The following CTNNA3 variants were observed in gnomAD, a reference collection of about 807,000 sequenced individuals.
CTNNA3 encodes the protein catenin alpha 3, also known as catenin alpha-3.
Under a neutral mutation model 95.7 loss-of-function variants are expected in CTNNA3, and 76 were observed. That is an observed-to-expected ratio of 0.79 (90% CI 0.66 to 0.96). CTNNA3 has a LOEUF of 0.96. Among genes scored for constraint, CTNNA3 ranks in the 40% least tolerant of loss-of-function variants. The probability of loss-of-function intolerance (pLI) is 0.00; values close to 1 mark genes in which losing one functional copy is unlikely to be tolerated. For synonymous variants in CTNNA3, 431 were observed against 374.4 expected, an observed-to-expected ratio of 1.15 and a Z score of -1.74; for missense variants, 1,191 against 1,089.8, an observed-to-expected ratio of 1.09 and a Z score of -1.31.
intron 9 of CTNNA3, among the ~76,000 whole-genome samples, chr10:66,737,618 T>A (rs1849186865): frequency 6.6e-6 from 1 of 152,140 alleles, no homozygotes; most frequent in Non-Finnish European, 1.5e-5. Flanking sequence ...TGACTTCTTC[T>A]AGCATTTATT....
intron 5 of CTNNA3, among the ~76,000 whole-genome samples, chr10:67,443,710 G>A (rs945338747): frequency 6.6e-6 from 1 of 151,870 alleles, no homozygotes; most frequent in Admixed American, 6.6e-5. Context: ...TTTGTCAGAT[G>A]AGTAGGTTGT....
chr10:66,821,058 T>A (rs1000112397), intron 7 of CTNNA3, among the ~76,000 whole-genome samples: 1 of 152,080 alleles, frequency 6.6e-6, no homozygotes, highest in African/African-American at 2.4e-5. Flanking sequence ...AGAGATTTAA[T>A]TATGGATATA....
chr10:66,186,304 G>GTGTGTA (rs2086342253), intron 13 of CTNNA3, among the ~76,000 whole-genome samples: 1 of 150,690 alleles, frequency 6.6e-6, no homozygotes, highest in African/African-American at 2.4e-5. Flanking sequence ...GTGTGTGTGT[G>GTGTGTA]AGAGATAGAG....
chr10:66,915,915 ATTG>A lies in CTNNA3; in HGVS notation c.1048-140394_1048-140392del, dbSNP rs548315365. Among the ~76,000 whole-genome samples, 1,022 of 151,944 alleles carry A rather than the reference ATTG, an allele frequency of 6.7e-3. 4 individuals are homozygous for A. Among genetic ancestry groups the A allele is most frequent in the South Asian group, 0.011 (51 of 4,800 alleles). ...AGGCGCCTGCCACCACGCCCAGATA[ATTG>A]TTGTATTTTTAGTAGAGATGGGATT... On this transcript the variant is annotated intron_variant, in intron 7 of 17. Coordinates refer to ENST00000433211, the MANE Select transcript of CTNNA3 (RefSeq NM_013266.4).
chr10:66,387,105 T>C (rs2092899176), intron 11 of CTNNA3, among the ~76,000 whole-genome samples: 2 of 152,248 alleles, frequency 1.3e-5, no homozygotes, highest in East Asian at 1.9e-4. Context: ...TGGGATCTAA[T>C]TAAACTGAAG....
intron 7 of CTNNA3, among the ~76,000 whole-genome samples, chr10:66,921,084 T>C (rs1382240343): frequency 6.6e-6 from 1 of 152,184 alleles, no homozygotes; most frequent in Non-Finnish European, 1.5e-5. Context: ...ACAGTTCTAA[T>C]GGCTGGGAAG....
intron 16 of CTNNA3, among the ~76,000 whole-genome samples, chr10:65,982,130 A>C (rs1417987658): frequency 6.6e-6 from 1 of 151,860 alleles, no homozygotes. Flanking sequence ...AGAATCTCCA[A>C]ATAACTCAAA....
intron 16 of CTNNA3, among the ~76,000 whole-genome samples, chr10:65,974,907 A>C (rs1237313731): frequency 6.6e-6 from 1 of 152,112 alleles, no homozygotes; most frequent in Non-Finnish European, 1.5e-5. Context: ...ATAAAATGTT[A>C]TTTTTTAAAG....
intron 1 of CTNNA3, chr10:67,648,628 G>T: frequency 1.3e-6 from 1 of 791,426 alleles, no homozygotes; most frequent in Non-Finnish European, 1.8e-6. Flanking sequence ...ATTCTATTAA[G>T]TGAAAAGATA....
intron 1 of CTNNA3, among the ~76,000 whole-genome samples, chr10:67,738,551 C>T (rs1039245076): frequency 3.9e-5 from 6 of 152,070 alleles, no homozygotes; most frequent in Admixed American, 6.5e-5. Flanking sequence ...TCCAAACGAA[C>T]GCAGCTCCTC....
chr10:66,082,157 A>G (rs2133648443), intron 14 of CTNNA3, among the ~76,000 whole-genome samples: 1 of 151,764 alleles, frequency 6.6e-6, no homozygotes, highest in South Asian at 2.1e-4. Context: ...CTGGCACTGC[A>G]CCCAAGATAT....
chr10:67,609,131 T>C lies in CTNNA3; in HGVS notation c.100-2082A>G, dbSNP rs550813667. Among the ~76,000 whole-genome samples the C allele has an allele frequency of 4.8e-5, 7 of 146,714 alleles. No individual in the cohort carries two copies. The South Asian group carries it at 8.7e-4, about 18-fold the overall frequency. On this transcript the variant is annotated intron_variant, in intron 2 of 17. Transcript: ENST00000433211. ...AAAAACAACCCATTTCTTAATTAAA[T>C]CTTGGATCACAATTACAAGTTTTGG...
In CTNNA3 at chr10:66,000,396, A is replaced by G. The variant is rs192623782; in HGVS notation, c.2160-11599T>C. 3.8e-4 allele frequency among the ~76,000 whole-genome samples: 58 copies of G among 152,318 alleles called. 1 individual carries two copies. In the East Asian group the frequency reaches 0.01, roughly 26 times the overall value. On this transcript the variant is annotated intron_variant, in intron 15 of 17. Coordinates refer to ENST00000433211, the MANE Select transcript of CTNNA3 (RefSeq NM_013266.4). ...GTCAATTAACTAGGGCTATGGCTTAAAAACAAAAAATACCAAATGTTTTCA... is the reference window on the plus strand; with the variant it reads ...GTCAATTAACTAGGGCTATGGCTTAGAAACAAAAAATACCAAATGTTTTCA...
intron 7 of CTNNA3, among the ~76,000 whole-genome samples, chr10:66,933,617 T>C (rs1847530189): frequency 6.6e-6 from 1 of 152,178 alleles, no homozygotes. Context: ...GCTCTGATGT[T>C]TCTCCCCTGG....
At chr10:67,721,605 G>A (rs1220613089) in intron 1 of CTNNA3, among the ~76,000 whole-genome samples, 1 of 152,072 alleles carries the variant, frequency 6.6e-6, no homozygotes, top group Non-Finnish European at 1.5e-5. Context: ...GTTAGAACAT[G>A]CTCCTTTAGC....
chr10:66,637,786 C>G (rs997684720), intron 9 of CTNNA3, among the ~76,000 whole-genome samples: 5 of 152,124 alleles, frequency 3.3e-5, no homozygotes, highest in African/African-American at 1.2e-4. Context: ...AATAAAAGCC[C>G]AGTTCATTTT....
intron 15 of CTNNA3, among the ~76,000 whole-genome samples, chr10:66,065,410 G>A (rs1432097979): frequency 2.0e-5 from 3 of 151,994 alleles, no homozygotes; most frequent in African/African-American, 7.2e-5. Flanking sequence ...ATGATCATTA[G>A]TCTCTTTTAA....
intron 4 of CTNNA3, among the ~76,000 whole-genome samples, chr10:67,533,213 A>G: frequency 6.6e-6 from 1 of 152,022 alleles, no homozygotes; most frequent in East Asian, 1.9e-4. Flanking sequence ...AATCCCAGCT[A>G]CTCGGGAGGC....
chr10:66,443,697 A>G (rs1429611522), intron 11 of CTNNA3, among the ~76,000 whole-genome samples: 1 of 152,018 alleles, frequency 6.6e-6, no homozygotes. Flanking sequence ...CAAAGACCAA[A>G]AGTAGATAAA....
Sources: allele counts gnomAD v4.1 joint callset (sites outside exome capture counted in the v4.1 genomes callset), GRCh38; gene constraint gnomAD v4.1.1; transcripts MANE v1.5; gene names NCBI Gene and HGNC (gene_info 2026-07-23, HGNC 2026-07-21).